The following IRX1 variants were observed in gnomAD, a reference collection of about 807,000 sequenced individuals.
IRX1 encodes iroquois-class homeodomain protein IRX-1.
In IRX1, 22 loss-of-function variants were observed where a neutral mutation model predicts 34.1. The ratio of observed to expected loss-of-function variants is 0.64; its 90% CI spans 0.46 to 0.92. The LOEUF is 0.92. IRX1 is among the 40% of genes least tolerant of loss of function. The pLI is 0.00. For missense variants in IRX1, 758 were observed against 680.0 expected (o/e 1.11, Z -1.28); for synonymous variants, 363 against 319.0 (o/e 1.14, Z -1.47).
At position 3,599,137 on chromosome 5, in the gene IRX1, C is replaced by T; in HGVS notation, c.277-88C>T. ...AAGCGGCTGCTTCCCACTCTCCCGT[C>T]TTGGGGACTCATGTCTCTCTCTCTC... is the stretch of plus-strand genomic sequence containing the variant. On this transcript the variant is annotated intron_variant, in intron 1 of 3. Transcript: ENST00000302006. This position sits in a 1 kb window ranked among gnomAD's most constrained non-coding sequence, Gnocchi z 6.6. 7.3e-7 allele frequency: 1 copy of T among 1,375,858 alleles called. No individual in the cohort carries two copies. Among genetic ancestry groups the T allele is most frequent in the Non-Finnish European group, 9.8e-7 (1 of 1,016,376 alleles). 85.2% of individuals were successfully genotyped at this position (1,375,858 alleles called of 1,614,324 possible). A position where few individuals can be genotyped will look rare whatever the true frequency, so the allele number is the denominator to read the frequency against.
intron 2 of IRX1, 62 bp from the exon 3 acceptor site, chr5:3,600,547 A>T (rs1733935736): frequency 7.0e-7 from 1 of 1,436,842 alleles, no homozygotes; most frequent in African/African-American, 1.4e-5. Flanking sequence ...GGTGGGAAGG[A>T]GGCCTGGGAC....
chr5:3,599,254 T>C lies in IRX1; in HGVS notation c.306T>C (p.Pro102=), dbSNP rs1299242936. Residue 102 remains proline (P), a synonymous_variant, in exon 2 of 4, where the codon CCT becomes CCC. Transcript: ENST00000302006. The surrounding 1 kb of genome is among the most constrained non-coding windows in gnomAD (Gnocchi z 6.6). ...CGCAGTATGAACTGAAGGACAACCC[T>C]GGGGTGCACCCCGCCACCTTCGCAG... ...MGSQYELKDN[P]GVHPATFAAH... The C allele has an allele frequency of 1.9e-6, 3 of 1,613,776 alleles. No individual in the cohort carries two copies. The highest frequency in any genetic ancestry group is 1.7e-5 in the Admixed American group (1 of 60,004).
intron 1 of IRX1, among the ~76,000 whole-genome samples, chr5:3,598,142 C>A (rs573861083): frequency 1.3e-5 from 2 of 152,230 alleles, no homozygotes; most frequent in Non-Finnish European, 2.9e-5. Context: ...GCCTAGGTTT[C>A]CAAGCCATTA....
At chr5:3,597,143 A>T (rs1417911077) in intron 1 of IRX1, among the ~76,000 whole-genome samples, 1 of 152,246 alleles carries the variant, frequency 6.6e-6, no homozygotes, top group Admixed American at 6.5e-5. Flanking sequence ...TAAAGAAAAC[A>T]GTGTCCCTTG....
rs1389148590 is a variant in IRX1, at chr5:3,596,295, T to C, written c.190T>C (p.Tyr64His). ...AAAVTSVLGM[Y>H]AAAGPYAGAP... The stretch of plus-strand genomic sequence containing the variant: ...TGCAGTCACCTCGGTGCTGGGCATG[T>C]ACGCGGCGGCGGGGCCGTACGCGGG... Residue 64 changes from tyrosine (Y) to histidine (H), a missense_variant, in exon 1 of 4, where the codon TAC becomes CAC. Tyr to His is a moderately conservative substitution (Grantham distance 83). This residue lies in a region of IRX1 where 195 missense variants were observed against 195.0 expected (regional missense o/e 1.00). Coordinates refer to ENST00000302006, the MANE Select transcript of IRX1 (RefSeq NM_024337.4). 9.7e-6 allele frequency: 14 copies of C among 1,437,872 alleles called. No homozygotes were observed. The East Asian group carries it at 4.0e-4, about 41-fold the overall frequency. 89.1% of individuals were successfully genotyped at this position (1,437,872 alleles called of 1,614,324 possible).
chr5:3,600,378 C>T lies in IRX1; in HGVS notation c.1312+118C>T, dbSNP rs577264719. ...GGTACCAGGCAGTGGCCGCTGAGCC[C>T]TGGGGCTGCGCTTAATCCCTGCTTC... On this transcript the variant is annotated intron_variant, in intron 2 of 3. Transcript: ENST00000302006. 2.0e-5 allele frequency: 22 copies of T among 1,076,456 alleles called. 1 individual carries two copies. The highest frequency in any genetic ancestry group is 2.7e-4 in the Middle Eastern group (1 of 3,744). The allele number at this position is 1,076,456 out of a possible 1,614,324, so 66.7% of individuals were successfully genotyped here. A position where few individuals can be genotyped will look rare whatever the true frequency, so the allele number is the denominator to read the frequency against.
rs1204553276 is a variant in IRX1, at chr5:3,599,684, G to A, written c.736G>A (p.Glu246Lys). 6.2e-7 allele frequency: 1 copy of A among 1,613,298 alleles called. No homozygotes were observed. Among genetic ancestry groups the A allele is most frequent in the African/African-American group, 1.3e-5 (1 of 74,928 alleles). Residue 246 changes from glutamate to lysine, a missense_variant, in exon 2 of 4, where the codon GAG becomes AAG. Around this residue, in one of 3 missense-constraint regions of IRX1, gnomAD observed 529 missense variants for 418.8 expected, o/e 1.26. Coordinates refer to ENST00000302006, the MANE Select transcript of IRX1 (RefSeq NM_024337.4). The surrounding 1 kb of genome is among the most constrained non-coding windows in gnomAD (Gnocchi z 6.6). ...TGGCGACCAGAGCAACGAGGATGAC[G>A]AGGACAAGGCCGAGGCTCCGCACGC... is the stretch of plus-strand genomic sequence containing the variant. Reference protein sequence around the residue: ...HDGDQSNEDDEDKAEAPHAPA... With the variant: ...HDGDQSNEDDKDKAEAPHAPA...
In IRX1 at chr5:3,601,205, G is replaced by C; in HGVS notation, c.*165G>C. The C allele has an allele frequency of 1.4e-6, 1 of 692,520 alleles. No homozygotes were observed. Among genetic ancestry groups the C allele is most frequent in the Non-Finnish European group, 2.5e-6 (1 of 406,350 alleles). 42.9% of individuals were successfully genotyped at this position (692,520 alleles called of 1,614,324 possible). On this transcript the variant is annotated 3_prime_UTR_variant, in exon 4 of 4. Coordinates refer to ENST00000302006, the MANE Select transcript of IRX1 (RefSeq NM_024337.4). ...CTTTCTGCAGAAAGGGGCTTCTTCG[G>C]TCCCGAGCTCGCGTCCAGGTGGCCA... is the stretch of plus-strand genomic sequence containing the variant.
rs565251270 is a variant in IRX1, at chr5:3,599,202, A to G, written c.277-23A>G. ...TCCACTTCCCTCCTCTCTCTCCTCG[A>G]TGGATCTGCCCTGTGGCTTCAGGGC... On this transcript the variant is annotated intron_variant, in intron 1 of 3. Transcript: ENST00000302006. The surrounding 1 kb of genome is among the most constrained non-coding windows in gnomAD (Gnocchi z 6.6). 8.8e-6 allele frequency: 14 copies of G among 1,596,320 alleles called. No individual in the cohort carries two copies. The South Asian group carries it at 1.3e-4, about 15-fold the overall frequency.
chr5:3,600,342 T>C (rs1440613212), intron 2 of IRX1, 82 bp downstream of exon 2: 7 of 1,330,912 alleles, frequency 5.3e-6, no homozygotes, highest in South Asian at 2.9e-5. Context: ...GGGTGCAGCA[T>C]GAGCCGGGAG....
At position 3,599,483 on chromosome 5, in the gene IRX1, G is replaced by A. The variant is rs774592941; in HGVS notation, c.535G>A (p.Ala179Thr). Residue 179 changes from alanine (A) to threonine (T), a missense_variant, in exon 2 of 4, where the codon GCC becomes ACC. Around this residue, in one of 3 missense-constraint regions of IRX1, gnomAD observed 34 missense variants for 66.2 expected, o/e 0.51. Coordinates refer to ENST00000302006, the MANE Select transcript of IRX1 (RefSeq NM_024337.4). This position sits in a 1 kb window ranked among gnomAD's most constrained non-coding sequence, Gnocchi z 6.6. ...CCTCACGCAGGTCTCCACCTGGTTC[G>A]CCAACGCGCGCCGGCGCCTCAAGAA... ...MTLTQVSTWF[A>T]NARRRLKKEN... 1 of 1,613,998 alleles carries A rather than the reference G, an allele frequency of 6.2e-7. No individual in the cohort carries two copies.
chr5:3,596,895 C>T (rs887573936), intron 1 of IRX1, among the ~76,000 whole-genome samples: 1 of 152,158 alleles, frequency 6.6e-6, no homozygotes, highest in Non-Finnish European at 1.5e-5. Context: ...GTTTGCCAGA[C>T]AGACCCCTTC....
At chr5:3,597,383 G>T (rs1226602119) in intron 1 of IRX1, among the ~76,000 whole-genome samples, 1 of 152,160 alleles carries the variant, frequency 6.6e-6, no homozygotes, top group South Asian at 2.1e-4. Flanking sequence ...CGCTGCCCGC[G>T]GGATAAAGCA....
chr5:3,596,256 G>T lies in IRX1; in HGVS notation c.151G>T (p.Gly51Trp), dbSNP rs760395351. ...GRPGAAELGG[G>W]AGAAAVTSVL... ...ACCGGGGGCCGCGGAGCTGGGCGGC[G>T]GGGCAGGCGCGGCTGCAGTCACCTC... The change falls in exon 1 of 4, where the codon GGG becomes TGG. Residue 51 changes from glycine to tryptophan, a missense_variant. Physicochemically the swap from Gly to Trp is radical, Grantham distance 184 (BLOSUM62 -2). Transcript: ENST00000302006. 1.8e-5 allele frequency: 22 copies of T among 1,210,462 alleles called. No individual in the cohort carries two copies. Among genetic ancestry groups the T allele is most frequent in the Admixed American group, 4.4e-5 (1 of 22,686 alleles). 75.0% of individuals were successfully genotyped at this position (1,210,462 alleles called of 1,614,324 possible). A position where few individuals can be genotyped will look rare whatever the true frequency, so the allele number is the denominator to read the frequency against.
At position 3,601,143 on chromosome 5, in the gene IRX1, C is replaced by A; in HGVS notation, c.*103C>A. The A allele has an allele frequency of 9.4e-7, 1 of 1,067,946 alleles. No homozygotes were observed. Among genetic ancestry groups the A allele is most frequent in the Non-Finnish European group, 1.4e-6 (1 of 706,086 alleles). The allele number at this position is 1,067,946 out of a possible 1,614,324, so 66.2% of individuals were successfully genotyped here. A position where few individuals can be genotyped will look rare whatever the true frequency, so the allele number is the denominator to read the frequency against. On this transcript the variant is annotated 3_prime_UTR_variant, in exon 4 of 4. Transcript: ENST00000302006. ...AAATATTTCAGACTGGTGTAAAGGA[C>A]AAATATGACAACGACGTCAAGGACT... is the stretch of plus-strand genomic sequence containing the variant.
chr5:3,597,807 A>T (rs1733825626), intron 1 of IRX1, among the ~76,000 whole-genome samples: 1 of 152,228 alleles, frequency 6.6e-6, no homozygotes. Flanking sequence ...TGGTCTTTAC[A>T]ACTTTCTCAG....
At position 3,596,344 on chromosome 5, in the gene IRX1, T is replaced by C; in HGVS notation, c.239T>C (p.Leu80Pro). The part of the protein sequence containing the change: ...YAGAPNYSAF[L>P]PYAADLSLFS... ...GGCGCGCCCAACTACAGCGCCTTCC[T>C]GCCCTACGCCGCGGATCTCAGCCTC... Residue 80 changes from leucine to proline, a missense_variant, in exon 1 of 4, where the codon CTG becomes CCG. Coordinates refer to ENST00000302006, the MANE Select transcript of IRX1 (RefSeq NM_024337.4). 6.5e-7 allele frequency: 1 copy of C among 1,536,608 alleles called. No homozygotes were observed. The highest frequency in any genetic ancestry group is 8.7e-7 in the Non-Finnish European group (1 of 1,146,362).
Position 3,600,692 on chromosome 5 carries a change from T to C in IRX1, c.1385+11T>C, listed in dbSNP as rs781046718. The C allele has an allele frequency of 6.2e-7, 1 of 1,612,406 alleles. No individual in the cohort carries two copies. The highest frequency in any genetic ancestry group is 8.5e-7 in the Non-Finnish European group (1 of 1,178,704). ...GCCGGTACGCGACAAGTGAGTGCTG[T>C]TTGCTTTTGCTATGGGAGAAGGCGG... On this transcript the variant is annotated intron_variant, in intron 3 of 3. Transcript: ENST00000302006.
intron 1 of IRX1, among the ~76,000 whole-genome samples, chr5:3,596,978 G>T (rs115461479): frequency 6.6e-6 from 1 of 152,176 alleles, no homozygotes; most frequent in Non-Finnish European, 1.5e-5. Context: ...TCTCCACGGC[G>T]TGAGTGCGAA....
Sources: gnomAD v4.1 joint callset for allele counts (sites outside exome capture counted in the v4.1 genomes callset) on GRCh38, gnomAD v4.1.1 for gene constraint, gnomAD v4.1.1 regional missense constraint, Gnocchi (gnomAD v3.1) non-coding constraint, MANE v1.5 for transcripts, NCBI Gene and HGNC (gene_info 2026-07-23, HGNC 2026-07-21) for gene names.